LMF1: variants seen among roughly 807,000 people sequenced by gnomAD.
LMF1 encodes the protein lipase maturation factor 1.
LMF1 carries 68 observed loss-of-function variants against 60.6 expected under a neutral mutation model. The observed-to-expected ratio is 1.12, with a 90% CI of 0.92 to 1.37. The LOEUF is 1.37. LMF1 is among the 40% of genes most tolerant of loss of function. The pLI, the probability that LMF1 is intolerant of heterozygous loss-of-function variation, is 0.00. For synonymous variants in LMF1, 418 were observed against 324.7 expected, an observed-to-expected ratio of 1.29 and a Z score of -3.09; for missense variants, 948 against 767.2, an observed-to-expected ratio of 1.24 and a Z score of -2.78.
chr16:954,537 C>G lies in LMF1; in HGVS notation c.323G>C (p.Ser108Thr). The G allele has an allele frequency of 6.2e-7, 1 of 1,613,154 alleles. No homozygotes were observed. The highest frequency in any genetic ancestry group is 8.5e-7 in the Non-Finnish European group (1 of 1,179,774). The stretch of plus-strand genomic sequence containing the variant: ...CAGCCAGAGGATGGTGGGCATGTAG[C>G]TGAAGACTTCCCAGCTCGTCCTGTC... ...FQDRTSWEVF[S>T]YMPTILWLMD... Residue 108 changes from serine (S) to threonine (T), a missense_variant, in exon 2 of 11, where the codon AGC (serine) becomes ACC (threonine). Transcript: ENST00000262301.
At position 942,215 on chromosome 16, in the gene LMF1, T is replaced by C. The variant is rs570202141; in HGVS notation, c.504-7961A>G. ...GTTGACAATCGTTTTTCTTTAGAAC[T>C]CTAAAGATGCCAGTCCATCATCCTC... is the stretch of plus-strand genomic sequence containing the variant. On this transcript the variant is annotated intron_variant, in intron 2 of 10. Transcript: ENST00000262301. Among the ~76,000 whole-genome samples the C allele has an allele frequency of 5.6e-4, 86 of 152,380 alleles. 1 individual carries two copies. The highest frequency in any genetic ancestry group is 6.9e-4 in the Non-Finnish European group (47 of 68,036).
intron 10 of LMF1, among the ~76,000 whole-genome samples, chr16:858,309 CAGTGGTGTCTCGGGATGGGTGTG>C (rs1355615979): frequency 4.4e-5 from 1 of 22,878 alleles, no homozygotes; most frequent in Non-Finnish European, 7.3e-5. Flanking sequence ...GATGGGTGTG[CAGTGGTGTCTCGGGATGGGTGTG>C]AGTGGTGTCT....
At position 962,600 on chromosome 16, in the gene LMF1, G is replaced by A. The variant is rs1306937362; in HGVS notation, c.194-7934C>T. Among the ~76,000 whole-genome samples the A allele has an allele frequency of 6.6e-6, 1 of 152,190 alleles. No individual in the cohort carries two copies. The highest frequency in any genetic ancestry group is 2.4e-5 in the African/African-American group (1 of 41,450). On this transcript the variant is annotated intron_variant, in intron 1 of 10. Coordinates refer to ENST00000262301, the MANE Select transcript of LMF1 (RefSeq NM_022773.4). The surrounding 1 kb of genome is among the most constrained non-coding windows in gnomAD (Gnocchi z 4.5). ...CCAAAACCCATCACCCAGTCTAATT[G>A]CGAGGAAACACCAGACGGACCCAAC...
At chr16:898,006 C>T (rs532014455) in intron 4 of LMF1, among the ~76,000 whole-genome samples, 18 of 152,346 alleles carry the variant, frequency 1.2e-4, no homozygotes, top group South Asian at 2.1e-4. Context: ...GCGTGGCGGG[C>T]GTCCTCTGGA....
chr16:904,378 TGG>T (rs2070914140), intron 4 of LMF1, among the ~76,000 whole-genome samples: 2 of 90,424 alleles, frequency 2.2e-5, no homozygotes, highest in Non-Finnish European at 4.3e-5. Flanking sequence ...CTCTGCTGCG[TGG>T]GGTGACCTCT....
intron 3 of LMF1, among the ~76,000 whole-genome samples, chr16:923,972 G>A (rs544092685): frequency 1.3e-5 from 2 of 152,222 alleles, no homozygotes; most frequent in East Asian, 3.9e-4. Flanking sequence ...GATGAAAAAC[G>A]AAGCCAATCA....
chr16:900,459 G>A (rs1260485954), intron 4 of LMF1: 1 of 152,192 alleles, frequency 6.6e-6, no homozygotes, highest in African/African-American at 2.4e-5. Flanking sequence ...CTGCACAGGT[G>A]TGAGTTTGGA....
chr16:930,454 G>A (rs1057482092), intron 3 of LMF1, among the ~76,000 whole-genome samples: 3 of 152,212 alleles, frequency 2.0e-5, no homozygotes, highest in East Asian at 1.9e-4. Context: ...CCAGCTAATC[G>A]GGAGGCTGAG....
chr16:906,581 C>T (rs769885858), intron 4 of LMF1, among the ~76,000 whole-genome samples: 9 of 152,058 alleles, frequency 5.9e-5, no homozygotes, highest in Non-Finnish European at 1.2e-4. Flanking sequence ...GGCAACCTAT[C>T]GTGGGGACTT....
chr16:954,840 G>T (rs996626724), intron 1 of LMF1, among the ~76,000 whole-genome samples, 174 bp from the exon 2 acceptor site: 9 of 152,212 alleles, frequency 5.9e-5, no homozygotes, highest in African/African-American at 2.2e-4. Flanking sequence ...AGATTTTGGG[G>T]GAAACACTGG....
At chr16:920,847 G>A (rs967926672) in intron 3 of LMF1, among the ~76,000 whole-genome samples, 1 of 152,256 alleles carries the variant, frequency 6.6e-6, no homozygotes, top group Non-Finnish European at 1.5e-5. Context: ...AGGGACAGAT[G>A]GAGAGAGGGA....
At chr16:910,855 C>T (rs769224240) in intron 4 of LMF1, 76 bp downstream of exon 4, 43 of 1,576,820 alleles carry the variant, frequency 2.7e-5, no homozygotes, top group South Asian at 1.1e-5. Flanking sequence ...GAAACAGCCT[C>T]ACCTCTCCTA....
At chr16:950,771 G>GCCAACAACAGTC (rs1234348004) in intron 2 of LMF1, among the ~76,000 whole-genome samples, 2 of 64,218 alleles carry the variant, frequency 3.1e-5, no homozygotes, top group Non-Finnish European at 5.4e-5. Flanking sequence ...GACAGAGTCA[G>GCCAACAACAGTC]AGCCAACGAC....
intron 4 of LMF1, among the ~76,000 whole-genome samples, chr16:896,736 A>G (rs2070673165): frequency 6.6e-6 from 1 of 152,220 alleles, no homozygotes. Flanking sequence ...GCAGAATCCG[A>G]GAGTGGAACT....
At chr16:896,803 C>G (rs965569355) in intron 4 of LMF1, among the ~76,000 whole-genome samples, 1 of 152,202 alleles carries the variant, frequency 6.6e-6, no homozygotes, top group South Asian at 2.1e-4. Context: ...AAATGTCATT[C>G]AAATTCTAAG....
intron 3 of LMF1, among the ~76,000 whole-genome samples, chr16:932,696 A>G (rs2071825629): frequency 1.3e-5 from 2 of 152,236 alleles, no homozygotes; most frequent in Non-Finnish European, 2.9e-5. Flanking sequence ...CTAAGATTAT[A>G]GGCATAAGCC....
At chr16:970,000 G>A (rs1596176172) in intron 1 of LMF1, among the ~76,000 whole-genome samples, 1 of 152,208 alleles carries the variant, frequency 6.6e-6, no homozygotes, top group Non-Finnish European at 1.5e-5. Context: ...GGCTGCGCAC[G>A]CGGGCCCCGC....
intron 1 of LMF1, 43 bp downstream of exon 1, chr16:970,745 G>T (rs1006179649): frequency 2.8e-5 from 42 of 1,479,208 alleles, no homozygotes; most frequent in Non-Finnish European, 3.5e-5. Context: ...CGTGGTGCGC[G>T]GAGGTGACAC....
At chr16:963,039 GTGGACACAGGCGGGCACGGGA>G (rs2072845187) in intron 1 of LMF1, among the ~76,000 whole-genome samples, 2 of 152,070 alleles carry the variant, frequency 1.3e-5, no homozygotes, top group Non-Finnish European at 2.9e-5. Context: ...GAGGAAGAGG[GTGGACACAGGCGGGCACGGGA>G]TGGACACAGG....
Sources: gnomAD v4.1 joint callset for allele counts (sites outside exome capture counted in the v4.1 genomes callset) on GRCh38, gnomAD v4.1.1 for gene constraint, Gnocchi (gnomAD v3.1) non-coding constraint, MANE v1.5 for transcripts, NCBI Gene and HGNC (gene_info 2026-07-23, HGNC 2026-07-21) for gene names.